Variants in NOP58 observed in about 807,000 individuals in gnomAD.
NOP58 encodes the protein NOP58 ribonucleoprotein.
Under a neutral mutation model 71.2 loss-of-function variants are expected in NOP58, and 44 were observed. The observed-to-expected ratio is 0.62, with a 90% CI of 0.49 to 0.79. The LOEUF (loss-of-function observed/expected upper bound fraction) is 0.79. NOP58 is among the 30% of genes least tolerant of loss of function. The pLI, the probability that NOP58 is intolerant of heterozygous loss-of-function variation, is 0.00. For missense variants in NOP58, 538 were observed against 620.2 expected, an observed-to-expected ratio of 0.87 and a Z score of 1.41; for synonymous variants, 228 against 200.3, an observed-to-expected ratio of 1.14 and a Z score of -1.17.
At chr2:202,274,583 G>T (rs1574376959) in intron 1 of NOP58, among the ~76,000 whole-genome samples, 1 of 151,724 alleles carries the variant, frequency 6.6e-6, no homozygotes, top group African/African-American at 2.4e-5. Context: ...TACTGTAAAG[G>T]GATTAATGGC....
chr2:202,295,398 A>T (rs1688973283), intron 9 of NOP58, among the ~76,000 whole-genome samples: 1 of 152,218 alleles, frequency 6.6e-6, no homozygotes, highest in Non-Finnish European at 1.5e-5. Context: ...TGGAATTTAG[A>T]ATAGTACTGC....
chr2:202,297,065 A>G (rs901254814), intron 10 of NOP58, among the ~76,000 whole-genome samples: 1 of 152,206 alleles, frequency 6.6e-6, no homozygotes, highest in Non-Finnish European at 1.5e-5. Flanking sequence ...TGTTACGAGG[A>G]AAAAGATGCA....
intron 1 of NOP58, among the ~76,000 whole-genome samples, chr2:202,271,037 G>A (rs551542014): frequency 2.6e-5 from 4 of 151,314 alleles, no homozygotes; most frequent in Non-Finnish European, 2.9e-5. Flanking sequence ...TGAGAAGACC[G>A]CGCCTCTGCA....
intron 9 of NOP58, among the ~76,000 whole-genome samples, chr2:202,293,916 T>C (rs185803252): frequency 2.3e-4 from 35 of 152,218 alleles, no homozygotes; most frequent in African/African-American, 7.9e-4. Flanking sequence ...AAAGGTTTCA[T>C]TCAAATGCCC....
At chr2:202,296,409 G>A (rs1204253458) in intron 10 of NOP58, among the ~76,000 whole-genome samples, 2 of 152,062 alleles carry the variant, frequency 1.3e-5, no homozygotes, top group Admixed American at 6.6e-5. Context: ...CACCATGTTG[G>A]CCAGGCTGGT....
intron 3 of NOP58, among the ~76,000 whole-genome samples, chr2:202,280,513 A>C (rs1000053207): frequency 6.6e-6 from 1 of 152,030 alleles, no homozygotes; most frequent in African/African-American, 2.4e-5. Flanking sequence ...TGTATTTTTT[A>C]GTAGAGACGG....
intron 12 of NOP58, among the ~76,000 whole-genome samples, chr2:202,299,403 T>A (rs1689052803): frequency 6.6e-6 from 1 of 152,186 alleles, no homozygotes; most frequent in African/African-American, 2.4e-5. Flanking sequence ...GGCATTCACA[T>A]TTTCTTTTTT....
chr2:202,267,551 T>C (rs1404633256), intron 1 of NOP58, among the ~76,000 whole-genome samples: 1 of 152,224 alleles, frequency 6.6e-6, no homozygotes, highest in Non-Finnish European at 1.5e-5. Context: ...AATTTTACTT[T>C]TCTCCAGCTT....
At chr2:202,285,015 C>T (rs1688765873) in intron 5 of NOP58, among the ~76,000 whole-genome samples, 1 of 151,992 alleles carries the variant, frequency 6.6e-6, no homozygotes. Context: ...AAATATGTCT[C>T]TCTCTGTGTT....
rs889993671 is a variant in NOP58, at chr2:202,291,290, A to G, written c.780+20A>G. On this transcript the variant is annotated intron_variant, in intron 8 of 14. Transcript: ENST00000264279. Reference sequence around the variant, plus strand: ...ACCCAGGTAAATTTTACTCCTGGAGAATCTAGTTGTGGTGTTACCAGCTCT... The same window carrying G: ...ACCCAGGTAAATTTTACTCCTGGAGGATCTAGTTGTGGTGTTACCAGCTCT... 1.9e-6 allele frequency: 3 copies of G among 1,582,610 alleles called. No homozygotes were observed. The African/African-American group carries it at 4.1e-5, about 21-fold the overall frequency.
intron 3 of NOP58, among the ~76,000 whole-genome samples, chr2:202,280,425 G>C (rs767004408): frequency 2.2e-4 from 33 of 151,968 alleles, no homozygotes; most frequent in Non-Finnish European, 4.6e-4. Context: ...CTGAGTTCAA[G>C]TAATTCTCCC....
chr2:202,300,563 G>T (rs1028211568), intron 13 of NOP58, among the ~76,000 whole-genome samples, 196 bp downstream of exon 13: 9 of 152,304 alleles, frequency 5.9e-5, no homozygotes, highest in African/African-American at 2.2e-4. Context: ...GAGGAAATGT[G>T]AGAAGTTTAG....
At chr2:202,267,218 ATG>A (rs1464032646) in intron 1 of NOP58, among the ~76,000 whole-genome samples, 1 of 152,182 alleles carries the variant, frequency 6.6e-6, no homozygotes, top group Non-Finnish European at 1.5e-5. Context: ...ACATATATAT[ATG>A]TTGGTAGAAA....
intron 4 of NOP58, 144 bp downstream of exon 4, chr2:202,282,616 C>A: frequency 1.4e-6 from 1 of 723,152 alleles, no homozygotes; most frequent in Non-Finnish European, 2.2e-6. Flanking sequence ...TAATGGATTT[C>A]CCCTAACATC....
chr2:202,286,340 TA>T (rs1280267522), intron 5 of NOP58, among the ~76,000 whole-genome samples: 1 of 149,076 alleles, frequency 6.7e-6, no homozygotes, highest in African/African-American at 2.5e-5. Context: ...CCGTCTCTAC[TA>T]AAAATACAAA....
intron 2 of NOP58, 28 bp downstream of exon 2, chr2:202,275,217 G>A (rs1688572861): frequency 8.4e-7 from 1 of 1,190,344 alleles, no homozygotes. Flanking sequence ...CAATAATTTA[G>A]CAGTTAACAT....
At chr2:202,298,139 G>A (rs1056674702) in intron 12 of NOP58, among the ~76,000 whole-genome samples, 3 of 152,070 alleles carry the variant, frequency 2.0e-5, no homozygotes, top group Admixed American at 2.0e-4. Flanking sequence ...TTTTTGTGGT[G>A]AGGACACCTT....
In NOP58 at chr2:202,300,231, CAGTGA is replaced by C; in HGVS notation, c.1274_1278del (p.Val425AspfsTer7). On this transcript the variant is annotated splice_acceptor_variant and coding_sequence_variant, in exon 13 of 15. Transcript: ENST00000264279. LOFTEE classifies it high-confidence loss of function. ...ATTTTCTAAAACTTTTTGGGTCTTT[CAGTGA>C]AGTGAAGACTTACGATCCTTCTGGT... 6.4e-7 allele frequency: 1 copy of C among 1,574,366 alleles called. No homozygotes were observed. The highest frequency in any genetic ancestry group is 8.5e-7 in the Non-Finnish European group (1 of 1,170,608).
Position 202,303,443 on chromosome 2 carries a change from G to A in NOP58, c.*7G>A. ...GAGAGAGAACGAGGATTAACAGAAA[G>A]GAATTACGATTATATCACCCGGACA... is the stretch of plus-strand genomic sequence containing the variant. On this transcript the variant is annotated 3_prime_UTR_variant, in exon 15 of 15. Coordinates refer to ENST00000264279, the MANE Select transcript of NOP58 (RefSeq NM_015934.5). The A allele has an allele frequency of 6.2e-7, 1 of 1,608,658 alleles. No homozygotes were observed. The highest frequency in any genetic ancestry group is 8.5e-7 in the Non-Finnish European group (1 of 1,177,550).
Sources: gnomAD v4.1 joint callset for allele counts (sites outside exome capture counted in the v4.1 genomes callset) on GRCh38, gnomAD v4.1.1 for gene constraint, MANE v1.5 for transcripts, NCBI Gene and HGNC (gene_info 2026-07-23, HGNC 2026-07-21) for gene names.